Variants in TENM4 observed in about 807,000 individuals in gnomAD.
TENM4 encodes teneurin-4.
A neutral mutation model predicts 243.3 loss-of-function variants in TENM4; 82 were observed. That is an observed-to-expected ratio of 0.34 (90% CI 0.28 to 0.40). The LOEUF (loss-of-function observed/expected upper bound fraction) is 0.40. Among genes scored for constraint, TENM4 ranks in the 10% least tolerant of loss-of-function variants. The pLI, the probability that TENM4 is intolerant of heterozygous loss-of-function variation, is 1.00. For synonymous variants in TENM4, 1,412 were observed against 1,456.3 expected, an observed-to-expected ratio of 0.97 and a Z score of 0.69; for missense variants, 3,138 against 3,673.3, an observed-to-expected ratio of 0.85 and a Z score of 3.77.
At chr11:78,731,021 C>T (rs1855654094) in intron 21 of TENM4, among the ~76,000 whole-genome samples, 1 of 152,170 alleles carries the variant, frequency 6.6e-6, no homozygotes, top group South Asian at 2.1e-4. Context: ...AAAGGTTAAC[C>T]TGTGAGAGGA....
chr11:78,892,792 G>A (rs1019807459), intron 7 of TENM4, among the ~76,000 whole-genome samples: 8 of 152,206 alleles, frequency 5.3e-5, no homozygotes, highest in African/African-American at 1.9e-4. Context: ...GCAAAGCAAA[G>A]CTTGTAGAAG....
intron 24 of TENM4, 123 bp downstream of exon 24, chr11:78,722,545 G>C: frequency 7.3e-7 from 1 of 1,363,928 alleles, no homozygotes; most frequent in Non-Finnish European, 9.9e-7. Flanking sequence ...AAAAGTCTCA[G>C]AGCCTGACGG....
At chr11:79,036,771 G>A (rs985827773) in intron 6 of TENM4, among the ~76,000 whole-genome samples, 11 of 152,098 alleles carry the variant, frequency 7.2e-5, no homozygotes, top group African/African-American at 2.7e-4. Context: ...CAGCACTTTG[G>A]GAGGCCAAGG....
intron 2 of TENM4, among the ~76,000 whole-genome samples, chr11:79,231,309 A>G (rs1864368273): frequency 6.6e-6 from 1 of 152,240 alleles, no homozygotes; most frequent in Non-Finnish European, 1.5e-5. Flanking sequence ...ACATGGAAAT[A>G]ATGTTCAGTT....
intron 4 of TENM4, among the ~76,000 whole-genome samples, chr11:79,089,626 C>T (rs893073971): frequency 2.6e-5 from 4 of 152,056 alleles, no homozygotes; most frequent in African/African-American, 4.8e-5. Context: ...GTTCAGTGAG[C>T]GAATAGCAAG....
Position 78,732,509 on chromosome 11 carries a change from T to C in TENM4, c.2945A>G (p.Gln982Arg). ...CCATGGCAGCCACAGGGTGTGCTCCTGTGTGATGAAAGGTGCCCGCTCGAA... is the reference window on the plus strand; with the variant it reads ...CCATGGCAGCCACAGGGTGTGCTCCCGTGTGATGAAAGGTGCCCGCTCGAA... ...LRFERAPFIT[Q>R]EHTLWLPWDR... is the part of the protein sequence containing the mutation. Residue 982 changes from glutamine (Q) to arginine (R), a missense_variant, in exon 21 of 34, where the codon CAG (glutamine) becomes CGG (arginine). Gln to Arg is a conservative substitution (Grantham distance 43). This residue lies in a region of TENM4 where 2,467 missense variants were observed against 3,059.1 expected (regional missense o/e 0.81). Transcript: ENST00000278550. 1 of 1,613,536 alleles carries C rather than the reference T, an allele frequency of 6.2e-7. No individual in the cohort carries two copies. Among genetic ancestry groups the C allele is most frequent in the South Asian group, 1.1e-5 (1 of 90,956 alleles).
chr11:79,033,778 A>G (rs1859307253), intron 6 of TENM4, among the ~76,000 whole-genome samples: 1 of 152,266 alleles, frequency 6.6e-6, no homozygotes, highest in Non-Finnish European at 1.5e-5. Flanking sequence ...ATATAAATAA[A>G]TAAATAGACT....
At chr11:79,434,745 G>C (rs756962227) in intron 1 of TENM4, among the ~76,000 whole-genome samples, 2 of 152,154 alleles carry the variant, frequency 1.3e-5, no homozygotes, top group Non-Finnish European at 2.9e-5. Context: ...TGGTTAAAAA[G>C]ATGAAAGAGA....
rs547886014 is a variant in TENM4, at chr11:78,963,954, G to A, written c.494-60431C>T. 2.7e-5 allele frequency among the ~76,000 whole-genome samples: 4 copies of A among 150,378 alleles called. No individual in the cohort carries two copies. In the South Asian group the frequency reaches 8.5e-4, roughly 32 times the overall value. The stretch of plus-strand genomic sequence containing the variant: ...GGGTTTCACTATGTTGGCCAGGCTG[G>A]TCTCGAACTCCTGACCTTGTGATCC... On this transcript the variant is annotated intron_variant, in intron 6 of 33. Transcript: ENST00000278550.
intron 3 of TENM4, among the ~76,000 whole-genome samples, chr11:79,180,832 A>AAAT (rs1206622339): frequency 2.0e-5 from 3 of 151,370 alleles, no homozygotes; most frequent in South Asian, 2.1e-4. Context: ...TAAAGAAGAC[A>AAAT]AATAGATTAT....
At chr11:78,683,829 G>A (rs1266223745) in intron 29 of TENM4, among the ~76,000 whole-genome samples, 4 of 152,138 alleles carry the variant, frequency 2.6e-5, no homozygotes, top group South Asian at 2.1e-4. Context: ...TGAAACTTAC[G>A]GTGAAAAAAG....
At chr11:79,081,612 A>T (rs1860677247) in intron 4 of TENM4, among the ~76,000 whole-genome samples, 1 of 151,304 alleles carries the variant, frequency 6.6e-6, no homozygotes, top group African/African-American at 2.4e-5. Flanking sequence ...TTGTTCAGAA[A>T]CCAAAGGCTC....
At chr11:78,966,251 G>A (rs1284015063) in intron 6 of TENM4, among the ~76,000 whole-genome samples, 6 of 151,362 alleles carry the variant, frequency 4.0e-5, no homozygotes, top group African/African-American at 1.5e-4. Flanking sequence ...GTTGCTCTGA[G>A]GATGAAAGAA....
At chr11:79,033,112 C>T (rs992958220) in intron 6 of TENM4, among the ~76,000 whole-genome samples, 2 of 152,080 alleles carry the variant, frequency 1.3e-5, no homozygotes, top group Non-Finnish European at 2.9e-5. Context: ...AGAACTAAAT[C>T]TGTACCACTT....
At chr11:79,420,561 G>C (rs762861272) in intron 1 of TENM4, among the ~76,000 whole-genome samples, 10 of 152,154 alleles carry the variant, frequency 6.6e-5, no homozygotes, top group Admixed American at 6.5e-4. Flanking sequence ...TGCTATTTAT[G>C]CCTCTCTTGG....
chr11:79,032,147 T>C (rs1271905515), intron 6 of TENM4, among the ~76,000 whole-genome samples: 2 of 152,236 alleles, frequency 1.3e-5, no homozygotes, highest in Non-Finnish European at 2.9e-5. Context: ...AACTACCATC[T>C]TGTACTTTTG....
intron 3 of TENM4, among the ~76,000 whole-genome samples, chr11:79,212,820 C>T (rs990614386): frequency 6.6e-6 from 1 of 152,204 alleles, no homozygotes; most frequent in Non-Finnish European, 1.5e-5. Flanking sequence ...TTACCTCCTC[C>T]CCCTGATCTC....
At chr11:78,865,509 C>G (rs1487879863) in intron 9 of TENM4, among the ~76,000 whole-genome samples, 3 of 152,174 alleles carry the variant, frequency 2.0e-5, no homozygotes, top group Non-Finnish European at 4.4e-5. Flanking sequence ...TCTTTTTAGG[C>G]AGTAACACAG....
chr11:79,434,452 C>A, intron 1 of TENM4, among the ~76,000 whole-genome samples: 1 of 152,046 alleles, frequency 6.6e-6, no homozygotes, highest in East Asian at 1.9e-4. Context: ...ACACTCTTCT[C>A]GGAGGAACTA....
Sources: gnomAD v4.1 joint callset for allele counts (sites outside exome capture counted in the v4.1 genomes callset) on GRCh38, gnomAD v4.1.1 for gene constraint, gnomAD v4.1.1 regional missense constraint, MANE v1.5 for transcripts, NCBI Gene and HGNC (gene_info 2026-07-23, HGNC 2026-07-21) for gene names.